Variants in MSRB1 observed in about 807,000 individuals in gnomAD.
MSRB1 encodes the protein methionine sulfoxide reductase B1.
A neutral mutation model predicts 15.2 loss-of-function variants in MSRB1; 13 were observed. That is an observed-to-expected ratio of 0.86 (90% CI 0.56 to 1.36). MSRB1 has a LOEUF of 1.36. Among genes scored for constraint, MSRB1 ranks in the 40% most tolerant of loss-of-function variants. The pLI, the probability that MSRB1 is intolerant of heterozygous loss-of-function variation, is 0.00. For synonymous variants in MSRB1, 68 were observed against 64.5 expected (o/e 1.05, Z -0.26); for missense variants, 174 against 155.9 (o/e 1.12, Z -0.62).
chr16:1,942,965 T>G, intron 1 of MSRB1, 137 bp downstream of exon 1: 1 of 1,219,492 alleles, frequency 8.2e-7, no homozygotes. Context: ...TTTTGACCCC[T>G]GTTCGCTTCT....
At position 1,938,697 on chromosome 16, in the gene MSRB1, T is replaced by C. The variant is rs1213228392; in HGVS notation, c.*415A>G. The C allele has an allele frequency of 4.5e-6, 1 of 223,296 alleles. No homozygotes were observed. Among genetic ancestry groups the C allele is most frequent in the Non-Finnish European group, 9.0e-6 (1 of 110,614 alleles). 13.8% of individuals were successfully genotyped at this position (223,296 alleles called of 1,614,324 possible). A position where few individuals can be genotyped will look rare whatever the true frequency, so the allele number is the denominator to read the frequency against. On this transcript the variant is annotated 3_prime_UTR_variant, in exon 4 of 4. Coordinates refer to ENST00000361871, the MANE Select transcript of MSRB1 (RefSeq NM_016332.4). ...TCTGTCTCCTAAGCAGCCTGGGAGA[T>C]GTGGGCCTAAGCTTCGGTGAGGACG...
intron 2 of MSRB1, 36 bp downstream of exon 2, chr16:1,941,221 C>A: frequency 2.5e-6 from 4 of 1,611,590 alleles, no homozygotes; most frequent in Non-Finnish European, 3.4e-6. Context: ...TCTCCCTGGC[C>A]GCCCCCGTCC....
chr16:1,941,180 C>G (rs778442686), intron 2 of MSRB1, 77 bp downstream of exon 2: 1 of 1,587,204 alleles, frequency 6.3e-7, no homozygotes, highest in Non-Finnish European at 8.6e-7. Context: ...GTGGGGCAAG[C>G]AGAGGGAGGA....
At chr16:1,942,539 G>T (rs557944189) in intron 1 of MSRB1, among the ~76,000 whole-genome samples, 1 of 152,358 alleles carries the variant, frequency 6.6e-6, no homozygotes, top group East Asian at 1.9e-4. Context: ...TCCCCAATTT[G>T]GAGTCCCTGG....
At chr16:1,939,268 T>A in intron 3 of MSRB1, 125 bp from the exon 4 acceptor site, 2 of 1,105,888 alleles carry the variant, frequency 1.8e-6, no homozygotes, top group Non-Finnish European at 2.5e-6. Context: ...AAGGCAGAGC[T>A]TCAGGTGCCG....
rs2083051058 is a variant in MSRB1 at position 1,938,243 on chromosome 16, TC to T, written c.*868del. On this transcript the variant is annotated 3_prime_UTR_variant, in exon 4 of 4. Transcript: ENST00000361871. ...AAAAAAGACAGTACATCTGAATGTT[TC>T]ATTTGTCTATGGATTTCCACCTGAT... 1 of 152,248 alleles carries T rather than the reference TC, an allele frequency of 6.6e-6. No individual in the cohort carries two copies. The highest frequency in any genetic ancestry group is 2.1e-4 in the South Asian group (1 of 4,842). 9.4% of individuals were successfully genotyped at this position (152,248 alleles called of 1,614,324 possible). A position where few individuals can be genotyped will look rare whatever the true frequency, so the allele number is the denominator to read the frequency against.
rs1178498150 is a variant in MSRB1 at position 1,940,912 on chromosome 16, G to A, written c.205-20C>T. The A allele has an allele frequency of 2.5e-6, 4 of 1,614,002 alleles. No individual in the cohort carries two copies. In the South Asian group the frequency reaches 4.4e-5, roughly 18 times the overall value. ...GGACACCTGGAAAGATCACAAGGCA[G>A]CTGGGTGAGCTTCTGGCCATGATAC... On this transcript the variant is annotated intron_variant, in intron 2 of 3. Coordinates refer to ENST00000361871, the MANE Select transcript of MSRB1 (RefSeq NM_016332.4).
intron 1 of MSRB1, 87 bp from the exon 2 acceptor site, chr16:1,941,492 C>G: frequency 6.8e-7 from 1 of 1,478,884 alleles, no homozygotes; most frequent in Non-Finnish European, 9.0e-7. Context: ...CAGGCAAAGA[C>G]AGCGCTGCCC....
intron 3 of MSRB1, among the ~76,000 whole-genome samples, chr16:1,939,928 G>A (rs1471277366): frequency 6.6e-6 from 1 of 151,522 alleles, no homozygotes; most frequent in African/African-American, 2.4e-5. Flanking sequence ...ACTCCAGCCT[G>A]GGTGACAGAA....
Position 1,941,283 on chromosome 16 carries a change from C to T in MSRB1, c.178G>A (p.Glu60Lys). The T allele has an allele frequency of 6.2e-7, 1 of 1,613,702 alleles. No individual in the cohort carries two copies. The highest frequency in any genetic ancestry group is 1.3e-5 in the African/African-American group (1 of 74,954). Residue 60 changes from glutamate to lysine, a missense_variant, in exon 2 of 4, where the codon GAG becomes AAG. Coordinates refer to ENST00000361871, the MANE Select transcript of MSRB1 (RefSeq NM_016332.4). ...TTCAAGGCTTCAGATCTATTGTGCT[C>T]CGGACGCTTGGCCACGCTGTCGGCG... ...IHADSVAKRP[E>K]HNRSEALKVS...
chr16:1,940,617 C>A (rs887859895), intron 3 of MSRB1, among the ~76,000 whole-genome samples, 161 bp downstream of exon 3: 7 of 152,380 alleles, frequency 4.6e-5, no homozygotes, highest in Middle Eastern at 3.4e-3. Flanking sequence ...TTTGCCCCTG[C>A]GCTGCAGCCA....
At chr16:1,942,987 A>C (rs1265940088) in intron 1 of MSRB1, 115 bp downstream of exon 1, 2 of 1,397,350 alleles carry the variant, frequency 1.4e-6, no homozygotes, top group African/African-American at 1.4e-5. Flanking sequence ...CCCGGCAGCC[A>C]CATTCGCCCC....
rs748457444 is a variant in MSRB1 at position 1,941,414 on chromosome 16, G to C, written c.56-9C>G. 2 of 1,606,306 alleles carry C rather than the reference G, an allele frequency of 1.2e-6. No individual in the cohort carries two copies. Among genetic ancestry groups the C allele is most frequent in the Non-Finnish European group, 1.7e-6 (2 of 1,176,050 alleles). ...GGCACACACGTAAACGCCTGTGGTGGAAGGAGAGGCAAATGTGGAGTCATC... is the reference window on the plus strand; with the variant it reads ...GGCACACACGTAAACGCCTGTGGTGCAAGGAGAGGCAAATGTGGAGTCATC... On this transcript the variant is annotated splice_polypyrimidine_tract_variant and intron_variant, in intron 1 of 3. Transcript: ENST00000361871.
At chr16:1,939,257 C>T (rs2083059886) in intron 3 of MSRB1, 114 bp from the exon 4 acceptor site, 4 of 1,178,492 alleles carry the variant, frequency 3.4e-6, no homozygotes, top group East Asian at 2.5e-5. Flanking sequence ...CAAGTCACTG[C>T]AAGGCAGAGC....
At chr16:1,941,154 C>G in intron 2 of MSRB1, 103 bp downstream of exon 2, 1 of 1,562,818 alleles carries the variant, frequency 6.4e-7, no homozygotes, top group Non-Finnish European at 8.7e-7. Context: ...ATAGACGCCT[C>G]TAAGCCCCTG....
chr16:1,939,795 A>T (rs1195311817), intron 3 of MSRB1, among the ~76,000 whole-genome samples: 2 of 151,940 alleles, frequency 1.3e-5, no homozygotes, highest in Non-Finnish European at 2.9e-5. Context: ...CTCTACTAAA[A>T]AATCAAAAAT....
At chr16:1,943,005 G>A in intron 1 of MSRB1, 97 bp downstream of exon 1, 12 of 1,491,992 alleles carry the variant, frequency 8.0e-6, no homozygotes, top group South Asian at 1.2e-5. Context: ...CCCCATTCCC[G>A]GCTTGGGAGA....
At chr16:1,941,504 C>T (rs536848860) in intron 1 of MSRB1, 99 bp from the exon 2 acceptor site, 15 of 1,455,290 alleles carry the variant, frequency 1.0e-5, no homozygotes, top group East Asian at 7.4e-5. Context: ...GCGCTGCCCC[C>T]GTTCCGAGGG....
Position 1,939,701 on chromosome 16 carries a change from C to T in MSRB1, c.320-558G>A, listed in dbSNP as rs185594958. Among the ~76,000 whole-genome samples, 40 of 152,258 alleles carry T rather than the reference C, an allele frequency of 2.6e-4. 1 individual carries two copies. Among genetic ancestry groups the T allele is most frequent in the Admixed American group, 4.6e-4 (7 of 15,288 alleles). ...GGGTGCGGTAGCTCACGCCTATAAT[C>T]CCGGCACTTTGGGAGGTTGAGACAG... On this transcript the variant is annotated intron_variant, in intron 3 of 3. Transcript: ENST00000361871.
Sources: gnomAD v4.1 joint callset for allele counts (sites outside exome capture counted in the v4.1 genomes callset) on GRCh38, gnomAD v4.1.1 for gene constraint, MANE v1.5 for transcripts, NCBI Gene and HGNC (gene_info 2026-07-23, HGNC 2026-07-21) for gene names.